Variants in TP53I3 observed in about 807,000 individuals in gnomAD.
The protein encoded by TP53I3 is tumor protein p53 inducible protein 3.
In TP53I3, 32 loss-of-function variants were observed where a neutral mutation model predicts 27.7. The ratio of observed to expected loss-of-function variants is 1.16; its 90% CI spans 0.87 to 1.55. The LOEUF (loss-of-function observed/expected upper bound fraction) is 1.55. TP53I3 is among the 40% of genes most tolerant of loss of function. The probability of loss-of-function intolerance (pLI) is 0.00; values close to 1 mark genes in which losing one functional copy is unlikely to be tolerated. For missense variants in TP53I3, 372 were observed against 412.3 expected (o/e 0.90, Z 0.85); for synonymous variants, 138 against 167.8 (o/e 0.82, Z 1.37).
At position 24,080,173 on chromosome 2, in the gene TP53I3, A is replaced by G. The variant is rs965530400; in HGVS notation, c.620-533T>C. On this transcript the variant is annotated intron_variant, in intron 3 of 4. Transcript: ENST00000238721. This position sits in a 1 kb window ranked among gnomAD's most constrained non-coding sequence, Gnocchi z 4.7. ...GGAGTTCGAGACCAGCCTGGCCAAC[A>G]TAGTGAAAGCCCGTCTCTACTAAAA... 6.6e-6 allele frequency among the ~76,000 whole-genome samples: 1 copy of G among 152,138 alleles called. No individual in the cohort carries two copies. The highest frequency in any genetic ancestry group is 1.5e-5 in the Non-Finnish European group (1 of 68,016).
At position 24,084,307 on chromosome 2, in the gene TP53I3, T is replaced by C. The variant is rs779239038; in HGVS notation, c.20A>G (p.Asp7Gly). The stretch of plus-strand genomic sequence containing the variant: ...GAGGTTTTCCGGTCCTCCCGGCTTG[T>C]CAAAGTGCACGGCTAACATATTGTC... The part of the protein sequence containing the change: MLAVHF[D>G]KPGGPENLYV... The change falls in exon 1 of 5, where the codon GAC becomes GGC. Residue 7 changes from aspartate to glycine, a missense_variant. Asp to Gly is a moderately conservative substitution (Grantham distance 94). Coordinates refer to ENST00000238721, the MANE Select transcript of TP53I3 (RefSeq NM_004881.5). This position sits in a 1 kb window ranked among gnomAD's most constrained non-coding sequence, Gnocchi z 8.4. The C allele has an allele frequency of 3.1e-6, 5 of 1,613,870 alleles. No individual in the cohort carries two copies. The highest frequency in any genetic ancestry group is 4.2e-6 in the Non-Finnish European group (5 of 1,179,942).
chr2:24,083,289 G>A, intron 1 of TP53I3, 137 bp from the exon 2 acceptor site: 4 of 1,178,464 alleles, frequency 3.4e-6, no homozygotes, highest in African/African-American at 3.1e-5. Context: ...TTGTAAGTAA[G>A]GAGAAGAAAA....
intron 4 of TP53I3, 119 bp downstream of exon 4, chr2:24,079,325 G>C (rs574540442): frequency 1.9e-6 from 2 of 1,077,120 alleles, no homozygotes; most frequent in Admixed American, 2.6e-5. Flanking sequence ...CAGAGGGGGA[G>C]GTTTCTTCAT....
At chr2:24,079,164 G>A (rs555346435) in intron 4 of TP53I3, 15 of 363,076 alleles carry the variant, frequency 4.1e-5, no homozygotes, top group Admixed American at 1.6e-4. Context: ...GGAACTACTC[G>A]AAATACTTCC....
chr2:24,084,395 G>GCAGGACAGGA lies in TP53I3; in HGVS notation c.-70_-69insTCCTGTCCTG. The GCAGGACAGGA allele has an allele frequency of 6.7e-7, 1 of 1,488,346 alleles. No homozygotes were observed. Among genetic ancestry groups the GCAGGACAGGA allele is most frequent in the South Asian group, 1.3e-5 (1 of 79,002 alleles). The allele number at this position is 1,488,346 out of a possible 1,614,324, so 92.2% of individuals were successfully genotyped here. On this transcript the variant is annotated 5_prime_UTR_variant, in exon 1 of 5. Transcript: ENST00000238721. The surrounding 1 kb of genome is among the most constrained non-coding windows in gnomAD (Gnocchi z 8.4). Reference sequence around the variant, plus strand: ...GCAGGGCAGGGCAGGACAGGACAGGGCAGGGCAGGACAGGACAGGGCAGGG... The same window carrying GCAGGACAGGA: ...GCAGGGCAGGGCAGGACAGGACAGGGCAGGACAGGACAGGGCAGGACAGGACAGGGCAGGG...
Position 24,082,992 on chromosome 2 carries a change from G to C in TP53I3, c.299C>G (p.Thr100Ser). ...AGGCATGAGGAGCCCTTCGGGGACA[G>C]TGACGTACTGAGCCTGGCCCCCACC... ...LPGGGQAQYV[T>S]VPEGLLMPIP... The change falls in exon 2 of 5, where the codon ACT becomes AGT. Residue 100 changes from threonine to serine, a missense_variant. Transcript: ENST00000238721. 1.2e-6 allele frequency: 2 copies of C among 1,614,208 alleles called. No individual in the cohort carries two copies. The highest frequency in any genetic ancestry group is 1.7e-6 in the Non-Finnish European group (2 of 1,180,020).
rs868473343 is a variant in TP53I3 at position 24,079,515 on chromosome 2, GC to G, written c.744del (p.Leu250CysfsTer12). On this transcript the variant is annotated frameshift_variant, in exon 4 of 5. Transcript: ENST00000238721. LOFTEE classifies it high-confidence loss of function. ...TTAAAAAGTAGCTTTGAAAACAGGG[GC>G]CCATTGATGTCACCTCCTCCCATCA... ...YGLMGGGDIN[G>X]PLFSKLLFKR... 1.9e-6 allele frequency: 3 copies of G among 1,613,968 alleles called. No individual in the cohort carries two copies. The African/African-American group carries it at 4.0e-5, about 22-fold the overall frequency.
intron 1 of TP53I3, among the ~76,000 whole-genome samples, chr2:24,083,674 C>T (rs1400104486): frequency 6.6e-6 from 1 of 152,168 alleles, no homozygotes; most frequent in Non-Finnish European, 1.5e-5. Context: ...ATGCAGCTGG[C>T]CCAGGTCAGT....
rs1234525164 is a variant in TP53I3 at position 24,084,385 on chromosome 2, A to ACAGGACAGGG, written c.-69_-60dup. ...ACAGGACAGGGCAGGGCAGGGCAGG[A>ACAGGACAGGG]CAGGACAGGGCAGGGCAGGACAGGA... On this transcript the variant is annotated 5_prime_UTR_variant, in exon 1 of 5. Coordinates refer to ENST00000238721, the MANE Select transcript of TP53I3 (RefSeq NM_004881.5). This position sits in a 1 kb window ranked among gnomAD's most constrained non-coding sequence, Gnocchi z 8.4. 1 of 1,330,356 alleles carries ACAGGACAGGG rather than the reference A, an allele frequency of 7.5e-7. No homozygotes were observed. The highest frequency in any genetic ancestry group is 1.0e-6 in the Non-Finnish European group (1 of 959,452). 82.4% of individuals were successfully genotyped at this position (1,330,356 alleles called of 1,614,324 possible).
rs143877322 is a variant in TP53I3, at chr2:24,083,063, G to A, written c.228C>T (p.Cys76=). 58 of 1,614,170 alleles carry A rather than the reference G, an allele frequency of 3.6e-5. 1 individual carries two copies. The highest frequency in any genetic ancestry group is 1.4e-5 in the Non-Finnish European group (16 of 1,180,034). Residue 76 remains cysteine (C), a synonymous_variant, in exon 2 of 5, where the codon TGC becomes TGT. Transcript: ENST00000238721. ...SGHVAELGPG[C]QGHWKIGDTA... ...TGTCCCCGATCTTCCAGTGTCCCTG[G>A]CAGCCAGGCCCCAGCTCTGCCACAT... is the stretch of plus-strand genomic sequence containing the variant.
chr2:24,082,418 A>G (rs1665045087), intron 2 of TP53I3, among the ~76,000 whole-genome samples: 1 of 152,202 alleles, frequency 6.6e-6, no homozygotes. Flanking sequence ...TATCATAGAC[A>G]GGGCTATCCT....
intron 2 of TP53I3, among the ~76,000 whole-genome samples, chr2:24,081,690 G>GTT (rs36028901): frequency 2.3e-4 from 31 of 137,384 alleles, no homozygotes; most frequent in South Asian, 4.7e-4. Context: ...CCTTGATACT[G>GTT]TTTTTTTTTT....
rs1019719811 is a variant in TP53I3 at position 24,080,404 on chromosome 2, C to T, written c.619+415G>A. On this transcript the variant is annotated intron_variant, in intron 3 of 4. Transcript: ENST00000238721. The surrounding 1 kb of genome is among the most constrained non-coding windows in gnomAD (Gnocchi z 4.7). Reference sequence around the variant, plus strand: ...GAAAGGGATGAGCCAAAAATAGACACGTCTGGCTTTGGAATACAGAGGTGT... The same window carrying T: ...GAAAGGGATGAGCCAAAAATAGACATGTCTGGCTTTGGAATACAGAGGTGT... 5.3e-5 allele frequency among the ~76,000 whole-genome samples: 8 copies of T among 151,966 alleles called. No homozygotes were observed. Among genetic ancestry groups the T allele is most frequent in the East Asian group, 1.9e-4 (1 of 5,188 alleles).
In TP53I3 at chr2:24,080,581, G is replaced by A. The variant is rs1430800290; in HGVS notation, c.619+238C>T. On this transcript the variant is annotated intron_variant, in intron 3 of 4. Transcript: ENST00000238721. The surrounding 1 kb of genome is among the most constrained non-coding windows in gnomAD (Gnocchi z 4.7). Reference sequence around the variant, plus strand: ...GATAATTCCAGACCAAGTCTGCATGGTCTAAAGTGTGGATGAATCTTATCT... The same window carrying A: ...GATAATTCCAGACCAAGTCTGCATGATCTAAAGTGTGGATGAATCTTATCT... 6.6e-6 allele frequency among the ~76,000 whole-genome samples: 1 copy of A among 152,176 alleles called. No individual in the cohort carries two copies. Among genetic ancestry groups the A allele is most frequent in the Non-Finnish European group, 1.5e-5 (1 of 68,024 alleles).
At chr2:24,083,287 A>G in intron 1 of TP53I3, 135 bp from the exon 2 acceptor site, 1 of 1,180,886 alleles carries the variant, frequency 8.5e-7, no homozygotes, top group Non-Finnish European at 1.2e-6. Flanking sequence ...TTTTGTAAGT[A>G]AGGAGAAGAA....
rs1664890275 is a variant in TP53I3 at position 24,079,240 on chromosome 2, CTTCTT to C, written c.816+199_816+203del. On this transcript the variant is annotated intron_variant, in intron 4 of 4. Coordinates refer to ENST00000238721, the MANE Select transcript of TP53I3 (RefSeq NM_004881.5). ...GATAACCTGTGAAGTATCAGCTACACTTCTTTTCATGATACTGAAGCTTCTATCAA... is the reference window on the plus strand; with the variant it reads ...GATAACCTGTGAAGTATCAGCTACACTTCATGATACTGAAGCTTCTATCAA... 8.7e-6 allele frequency: 5 copies of C among 576,238 alleles called. No individual in the cohort carries two copies. In the Admixed American group the frequency reaches 9.0e-5, roughly 10 times the overall value. The allele number at this position is 576,238 out of a possible 1,614,324, so 35.7% of individuals were successfully genotyped here. A position where few individuals can be genotyped will look rare whatever the true frequency, so the allele number is the denominator to read the frequency against.
Position 24,077,961 on chromosome 2 carries a change from A to G in TP53I3, c.817-200T>C, listed in dbSNP as rs1664832292. 6.6e-6 allele frequency among the ~76,000 whole-genome samples: 1 copy of G among 152,172 alleles called. No homozygotes were observed. Among genetic ancestry groups the G allele is most frequent in the African/African-American group, 2.4e-5 (1 of 41,434 alleles). On this transcript the variant is annotated intron_variant, in intron 4 of 4. Transcript: ENST00000238721. This position sits in a 1 kb window ranked among gnomAD's most constrained non-coding sequence, Gnocchi z 5.5. ...ATCTCAGAATATGTCCGATAGGTAT[A>G]TTGTTAATTTTGAGGTGAAAGCATT...
chr2:24,084,376 C>G lies in TP53I3; in HGVS notation c.-50G>C, dbSNP rs774018082. 5 of 1,380,670 alleles carry G rather than the reference C, an allele frequency of 3.6e-6. No individual in the cohort carries two copies. The Middle Eastern group carries it at 5.9e-4, about 163-fold the overall frequency. 85.5% of individuals were successfully genotyped at this position (1,380,670 alleles called of 1,614,324 possible). Reference sequence around the variant, plus strand: ...CAGGGCAGGACAGGACAGGGCAGGGCAGGGCAGGACAGGACAGGGCAGGGC... The same window carrying G: ...CAGGGCAGGACAGGACAGGGCAGGGGAGGGCAGGACAGGACAGGGCAGGGC... On this transcript the variant is annotated 5_prime_UTR_variant, in exon 1 of 5. Transcript: ENST00000238721. This position sits in a 1 kb window ranked among gnomAD's most constrained non-coding sequence, Gnocchi z 8.4.
chr2:24,079,161 C>T (rs1664887269), intron 4 of TP53I3: 2 of 358,900 alleles, frequency 5.6e-6, no homozygotes, highest in African/African-American at 2.0e-5. Context: ...CTTGGAACTA[C>T]TCGAAATACT....
Sources: allele counts gnomAD v4.1 joint callset (sites outside exome capture counted in the v4.1 genomes callset), GRCh38; gene constraint gnomAD v4.1.1; non-coding constraint Gnocchi (gnomAD v3.1); transcripts MANE v1.5; gene names NCBI Gene and HGNC (gene_info 2026-07-23, HGNC 2026-07-21).